RPTOR: variants seen among roughly 807,000 people sequenced by gnomAD.
RPTOR encodes regulatory associated protein of MTOR complex 1, also known as regulatory-associated protein of mTOR.
RPTOR carries 21 observed loss-of-function variants against 169.9 expected under a neutral mutation model. That is an observed-to-expected ratio of 0.12 (90% CI 0.09 to 0.18). RPTOR has a LOEUF of 0.18. RPTOR is among the 10% of genes least tolerant of loss of function. RPTOR has a pLI of 1.00. For missense variants in RPTOR, 1,133 were observed against 1,855.9 expected (o/e 0.61, Z 7.16); for synonymous variants, 732 against 753.2 (o/e 0.97, Z 0.46).
intron 9 of RPTOR, among the ~76,000 whole-genome samples, chr17:80,830,581 C>A (rs1279602251): frequency 1.3e-5 from 2 of 152,206 alleles, no homozygotes; most frequent in African/African-American, 2.4e-5. Context: ...GGCCATCTTG[C>A]ACGGGCCGCT....
intron 1 of RPTOR, among the ~76,000 whole-genome samples, chr17:80,550,265 G>A (rs1875559583): frequency 6.6e-6 from 1 of 152,134 alleles, no homozygotes; most frequent in South Asian, 2.1e-4. Context: ...TCACCTCTCA[G>A]CAGCATTCCA....
intron 7 of RPTOR, among the ~76,000 whole-genome samples, chr17:80,796,260 A>G (rs935550317): frequency 7.9e-5 from 12 of 152,226 alleles, no homozygotes; most frequent in Non-Finnish European, 1.2e-4. Context: ...AGATCCCACA[A>G]TAGGTCATCT....
chr17:80,794,863 T>G (rs2067085366), intron 7 of RPTOR, among the ~76,000 whole-genome samples: 1 of 151,770 alleles, frequency 6.6e-6, no homozygotes, highest in South Asian at 2.1e-4. Flanking sequence ...AGACAGAACA[T>G]GGGGCCAGAG....
chr17:80,922,906 C>T, intron 22 of RPTOR, 79 bp downstream of exon 22: 1 of 1,176,718 alleles, frequency 8.5e-7, no homozygotes, highest in East Asian at 2.6e-5. Context: ...GAGCCGGCCT[C>T]CCCATCCTCC....
At chr17:80,592,022 C>A (rs2065111405) in intron 1 of RPTOR, among the ~76,000 whole-genome samples, 1 of 152,224 alleles carries the variant, frequency 6.6e-6, no homozygotes, top group Non-Finnish European at 1.5e-5. Context: ...TGGATGCTTA[C>A]TCATCCTCAG....
chr17:80,556,470 T>G (rs944670519), intron 1 of RPTOR, among the ~76,000 whole-genome samples: 1 of 152,088 alleles, frequency 6.6e-6, no homozygotes, highest in Admixed American at 6.5e-5. Context: ...GCTATGATTG[T>G]GCTGGTGCAC....
At chr17:80,884,451 C>CAT (rs1567966679) in intron 16 of RPTOR, among the ~76,000 whole-genome samples, 8 of 151,848 alleles carry the variant, frequency 5.3e-5, no homozygotes, top group African/African-American at 7.3e-5. Flanking sequence ...CTGTGCAGTG[C>CAT]ACAGGGTGTT....
intron 9 of RPTOR, among the ~76,000 whole-genome samples, chr17:80,834,250 C>A (rs2067538671): frequency 1.3e-5 from 2 of 152,204 alleles, no homozygotes. Flanking sequence ...TGCTGATAAT[C>A]GGGTTCCAGC....
chr17:80,913,377 G>A lies in RPTOR; in HGVS notation c.2520+4448G>A, dbSNP rs139440594. ...ATTTCATGTATTTATAATATATTTC[G>A]ATTCCCATTCCATGGGCTTGGGGTT... is the stretch of plus-strand genomic sequence containing the variant. On this transcript the variant is annotated intron_variant, in intron 21 of 33. Transcript: ENST00000306801. 2.7e-3 allele frequency among the ~76,000 whole-genome samples: 406 copies of A among 152,186 alleles called. 2 individuals carry two copies. The highest frequency in any genetic ancestry group is 9.4e-3 in the African/African-American group (390 of 41,530).
chr17:80,784,152 C>A (rs1239488605), intron 6 of RPTOR, among the ~76,000 whole-genome samples: 1 of 151,490 alleles, frequency 6.6e-6, no homozygotes, highest in African/African-American at 2.4e-5. Context: ...GGGGACTCAA[C>A]TGTGCTGTCC....
At position 80,668,599 on chromosome 17, in the gene RPTOR, G is replaced by A. The variant is rs573757246; in HGVS notation, c.348+24789G>A. 1.1e-4 allele frequency among the ~76,000 whole-genome samples: 17 copies of A among 152,330 alleles called. No homozygotes were observed. In the South Asian group the frequency reaches 2.9e-3, roughly 26 times the overall value. On this transcript the variant is annotated intron_variant, in intron 3 of 33. Transcript: ENST00000306801. ...ACACCCCCGTCTCCCATGTTTGCACGCCTCAGCAGTTCTCAGCCGTATGCC... is the reference window on the plus strand; with the variant it reads ...ACACCCCCGTCTCCCATGTTTGCACACCTCAGCAGTTCTCAGCCGTATGCC...
rs781782282 is a variant in RPTOR, at chr17:80,754,191, T to C, written c.830+6T>C. 1 of 1,586,942 alleles carries C rather than the reference T, an allele frequency of 6.3e-7. No homozygotes were observed. The highest frequency in any genetic ancestry group is 2.3e-5 in the East Asian group (1 of 44,272). On this transcript the variant is annotated splice_donor_region_variant and intron_variant, in intron 6 of 33. Coordinates refer to ENST00000306801, the MANE Select transcript of RPTOR (RefSeq NM_020761.3). This position sits in a 1 kb window ranked among gnomAD's most constrained non-coding sequence, Gnocchi z 4.2. ...ATCAAGATCGCCCTGCGCTGGTGAG[T>C]GGCCCCTGCTGTGCCCCTGGGACCC...
chr17:80,942,530 C>T (rs2069045212), intron 25 of RPTOR, among the ~76,000 whole-genome samples: 1 of 151,976 alleles, frequency 6.6e-6, no homozygotes, highest in Non-Finnish European at 1.5e-5. Flanking sequence ...TGCCAGCAGG[C>T]GTGGTGCCAG....
intron 20 of RPTOR, among the ~76,000 whole-genome samples, chr17:80,896,246 G>A (rs925709024): frequency 6.6e-6 from 1 of 151,734 alleles, no homozygotes; most frequent in African/African-American, 2.4e-5. Context: ...CAGACAGCCC[G>A]TCCTCCCGCC....
At chr17:80,911,978 G>A (rs575382361) in intron 21 of RPTOR, among the ~76,000 whole-genome samples, 10 of 152,180 alleles carry the variant, frequency 6.6e-5, no homozygotes, top group Admixed American at 3.9e-4. Flanking sequence ...ATGAGCTGAC[G>A]CTCTGGAGGA....
At chr17:80,782,041 C>T (rs984715280) in intron 6 of RPTOR, among the ~76,000 whole-genome samples, 1 of 152,232 alleles carries the variant, frequency 6.6e-6, no homozygotes, top group African/African-American at 2.4e-5. Flanking sequence ...AAATGATCTG[C>T]GCGAGGCGGC....
intron 1 of RPTOR, among the ~76,000 whole-genome samples, chr17:80,587,155 C>A (rs1054844486): frequency 6.6e-6 from 1 of 152,268 alleles, no homozygotes; most frequent in African/African-American, 2.4e-5. Flanking sequence ...GCCCCTCTGG[C>A]CTCCCCCGCA....
intron 3 of RPTOR, among the ~76,000 whole-genome samples, chr17:80,654,398 ACGG>A (rs2065664217): frequency 6.6e-6 from 1 of 152,220 alleles, no homozygotes; most frequent in South Asian, 2.1e-4. Flanking sequence ...CACGTGGAAG[ACGG>A]CGCAGTCCAC....
intron 24 of RPTOR, among the ~76,000 whole-genome samples, chr17:80,927,722 C>A (rs1230062365): frequency 4.0e-5 from 1 of 24,930 alleles, no homozygotes; most frequent in Admixed American, 4.6e-4. Context: ...GTGTGTGTGT[C>A]TGTGTGTTTC....
Sources: gnomAD v4.1 joint callset for allele counts (sites outside exome capture counted in the v4.1 genomes callset) on GRCh38, gnomAD v4.1.1 for gene constraint, Gnocchi (gnomAD v3.1) non-coding constraint, MANE v1.5 for transcripts, NCBI Gene and HGNC (gene_info 2026-07-23, HGNC 2026-07-21) for gene names.